CACNA1G: variants seen among roughly 807,000 people sequenced by gnomAD.
The protein encoded by CACNA1G is voltage-dependent T-type calcium channel subunit alpha-1G.
Under a neutral mutation model 219.4 loss-of-function variants are expected in CACNA1G, and 67 were observed. That is an observed-to-expected ratio of 0.31 (90% CI 0.25 to 0.37). The LOEUF (loss-of-function observed/expected upper bound fraction) is 0.37, where lower values mean the gene tolerates loss of function less well. CACNA1G is among the 10% of genes least tolerant of loss of function. CACNA1G has a pLI of 1.00. For synonymous variants in CACNA1G, 1,296 were observed against 1,345.3 expected (o/e 0.96, Z 0.80); for missense variants, 2,380 against 3,231.4 (o/e 0.74, Z 6.39).
In CACNA1G at chr17:50,596,965, C is replaced by A; in HGVS notation, c.3258+42C>A. The A allele has an allele frequency of 6.8e-7, 1 of 1,466,352 alleles. No homozygotes were observed. The highest frequency in any genetic ancestry group is 1.4e-5 in the South Asian group (1 of 72,724). 90.8% of individuals were successfully genotyped at this position (1,466,352 alleles called of 1,614,324 possible). ...GGTACCCTGATGGTGGGAGATATTCCAAGGAGGACAGGAGGAAGAGAGGAT... is the reference window on the plus strand; with the variant it reads ...GGTACCCTGATGGTGGGAGATATTCAAAGGAGGACAGGAGGAAGAGAGGAT... On this transcript the variant is annotated intron_variant, in intron 16 of 37. Coordinates refer to ENST00000359106, the MANE Select transcript of CACNA1G (RefSeq NM_018896.5). This position sits in a 1 kb window ranked among gnomAD's most constrained non-coding sequence, Gnocchi z 4.8.
At chr17:50,608,910 T>C (rs1473724274) in intron 25 of CACNA1G, among the ~76,000 whole-genome samples, 1 of 152,198 alleles carries the variant, frequency 6.6e-6, no homozygotes. Context: ...CGCGCCTCTC[T>C]CTCTCTCTCA....
chr17:50,600,799 C>A lies in CACNA1G; in HGVS notation c.3764C>A (p.Ser1255Ter). Residue 1255 changes from serine to a stop codon, truncating the protein, a stop_gained, in exon 18 of 38, where the codon TCA (serine) becomes TAA (stop). Transcript: ENST00000359106. LOFTEE classifies it high-confidence loss of function. This position sits in a 1 kb window ranked among gnomAD's most constrained non-coding sequence, Gnocchi z 4.1. The stretch of plus-strand genomic sequence containing the variant: ...TGCTGCCTCGAGCGAGACTCCTGGT[C>A]AGCCTACATCTTCCCTCCTCAGTCC... Reference protein sequence around the residue: ...PACCLERDSWSAYIFPPQSRF... With the variant: ...PACCLERDSW The A allele has an allele frequency of 6.2e-7, 1 of 1,613,832 alleles. No individual in the cohort carries two copies. Among genetic ancestry groups the A allele is most frequent in the South Asian group, 1.1e-5 (1 of 91,070 alleles).
At chr17:50,605,793 A>T (rs918874354) in intron 22 of CACNA1G, 105 bp from the exon 23 acceptor site, 1 of 1,256,754 alleles carries the variant, frequency 8.0e-7, no homozygotes, top group Non-Finnish European at 1.1e-6. Flanking sequence ...AGCACCCCAC[A>T]CTCACTCAAA....
rs894433035 is a variant in CACNA1G, at chr17:50,560,787, C to T, written c.-673C>T. ...CGGCCGGAGGAGGAGGCTGTGGCGC[C>T]GGCGACAGCTACGGCAGCGGCAGCC... On this transcript the variant is annotated 5_prime_UTR_variant, in exon 1 of 38. Coordinates refer to ENST00000359106, the MANE Select transcript of CACNA1G (RefSeq NM_018896.5). 1.3e-5 allele frequency among the ~76,000 whole-genome samples: 2 copies of T among 152,162 alleles called. No homozygotes were observed. Among genetic ancestry groups the T allele is most frequent in the Non-Finnish European group, 2.9e-5 (2 of 68,010 alleles).
intron 7 of CACNA1G, 136 bp downstream of exon 7, chr17:50,573,249 T>G (rs1031707782): frequency 4.5e-6 from 3 of 660,792 alleles, no homozygotes; most frequent in Non-Finnish European, 8.2e-6. Context: ...GCATCCATCA[T>G]ATAGTAGGAG....
chr17:50,577,356 A>G lies in CACNA1G; in HGVS notation c.1925-832A>G, dbSNP rs570268213. On this transcript the variant is annotated intron_variant, in intron 8 of 37. Transcript: ENST00000359106. ...CTTCCACATCCATGCTTTACCTGGT[A>G]CTCTCTGAGGTTCTCATATTCTGTG... 9.3e-5 allele frequency among the ~76,000 whole-genome samples: 14 copies of G among 150,992 alleles called. No homozygotes were observed. In the South Asian group the frequency reaches 1.5e-3, roughly 16 times the overall value.
rs198530 is a variant in CACNA1G at position 50,600,964 on chromosome 17, A to T, written c.3792-87A>T. ...GCAGGGTGGCCTCAGCTGGGAGGGC[A>T]CTGGAGGGGCAGGGGCTGCGGGCGG... On this transcript the variant is annotated intron_variant, in intron 18 of 37. Transcript: ENST00000359106. The surrounding 1 kb of genome is among the most constrained non-coding windows in gnomAD (Gnocchi z 4.1). 0.99 allele frequency: 1,578,778 copies of T among 1,589,138 alleles called. 784,247 individuals carry two copies. The highest frequency in any genetic ancestry group is 1 in the East Asian group (44,555 of 44,556).
At chr17:50,572,415 C>G in intron 5 of CACNA1G, 139 bp from the exon 6 acceptor site, 1 of 709,574 alleles carries the variant, frequency 1.4e-6, no homozygotes, top group Non-Finnish European at 2.3e-6. Flanking sequence ...CCCTGCCCTG[C>G]CCAGTCCCTT....
Position 50,618,236 on chromosome 17 carries a change from C to T in CACNA1G, c.5320C>T (p.His1774Tyr). 1 of 1,613,848 alleles carries T rather than the reference C, an allele frequency of 6.2e-7. No homozygotes were observed. Among genetic ancestry groups the T allele is most frequent in the Non-Finnish European group, 8.5e-7 (1 of 1,179,788 alleles). ...LFGDLECDET[H>Y]PCEGLGRHAT... The stretch of plus-strand genomic sequence containing the variant: ...TCCTCCCCCAGAGTGTGACGAGACA[C>T]ACCCCTGTGAGGGCCTGGGCCGTCA... The change falls in exon 32 of 38, where the codon CAC (histidine) becomes TAC (tyrosine). Residue 1774 changes from histidine (H) to tyrosine (Y), a missense_variant. Coordinates refer to ENST00000359106, the MANE Select transcript of CACNA1G (RefSeq NM_018896.5). The surrounding 1 kb of genome is among the most constrained non-coding windows in gnomAD (Gnocchi z 5.3).
intron 1 of CACNA1G, among the ~76,000 whole-genome samples, chr17:50,565,689 G>A (rs998897691): frequency 1.3e-5 from 2 of 152,104 alleles, no homozygotes; most frequent in African/African-American, 4.8e-5. Flanking sequence ...GCCCCTAGAG[G>A]TGTCCCAGCC....
chr17:50,574,488 G>T (rs929927648), intron 7 of CACNA1G, among the ~76,000 whole-genome samples: 1 of 152,186 alleles, frequency 6.6e-6, no homozygotes, highest in Admixed American at 6.5e-5. Flanking sequence ...CTGACTGGAG[G>T]CCTGTTCCCA....
At chr17:50,574,450 A>G (rs198547) in intron 7 of CACNA1G, among the ~76,000 whole-genome samples, 139,907 of 152,284 alleles carry the variant, frequency 0.92, 64,413 homozygotes, top group East Asian at 0.98. Flanking sequence ...CCCCTGGTGC[A>G]GAAGAGTGGG....
chr17:50,570,557 CTGTGTGTGTG>C (rs3062844), intron 4 of CACNA1G, among the ~76,000 whole-genome samples: 2 of 132,612 alleles, frequency 1.5e-5, no homozygotes, highest in South Asian at 2.8e-4. Flanking sequence ...CCCCTGCGCT[CTGTGTGTGTG>C]TGTGTGTGTG....
chr17:50,610,421 C>G (rs1430374437), intron 26 of CACNA1G, among the ~76,000 whole-genome samples: 1 of 152,130 alleles, frequency 6.6e-6, no homozygotes. Flanking sequence ...TGCGTCATCG[C>G]TACAAACAGC....
At position 50,578,143 on chromosome 17, in the gene CACNA1G, A is replaced by T; in HGVS notation, c.1925-45A>T. The T allele has an allele frequency of 6.7e-7, 1 of 1,502,716 alleles. No homozygotes were observed. The highest frequency in any genetic ancestry group is 8.8e-7 in the Non-Finnish European group (1 of 1,130,042). 93.1% of individuals were successfully genotyped at this position (1,502,716 alleles called of 1,614,324 possible). Reference sequence around the variant, plus strand: ...CATACTCACAGGGCAGGGTAGCCCCAGGTACGAGACTCTGGAGCCTCTCAC... The same window carrying T: ...CATACTCACAGGGCAGGGTAGCCCCTGGTACGAGACTCTGGAGCCTCTCAC... On this transcript the variant is annotated intron_variant, in intron 8 of 37. Coordinates refer to ENST00000359106, the MANE Select transcript of CACNA1G (RefSeq NM_018896.5). The surrounding 1 kb of genome is among the most constrained non-coding windows in gnomAD (Gnocchi z 4.5).
intron 3 of CACNA1G, 88 bp downstream of exon 3, chr17:50,569,386 C>T: frequency 1.4e-6 from 2 of 1,410,972 alleles, no homozygotes; most frequent in Non-Finnish European, 2.0e-6. Flanking sequence ...CCTCTCAGCT[C>T]CAGCCCAGTT....
chr17:50,578,170 T>A lies in CACNA1G; in HGVS notation c.1925-18T>A, dbSNP rs758631724. 6.5e-7 allele frequency: 1 copy of A among 1,536,308 alleles called. No individual in the cohort carries two copies. Among genetic ancestry groups the A allele is most frequent in the South Asian group, 1.3e-5 (1 of 79,372 alleles). On this transcript the variant is annotated intron_variant, in intron 8 of 37. Coordinates refer to ENST00000359106, the MANE Select transcript of CACNA1G (RefSeq NM_018896.5). This position sits in a 1 kb window ranked among gnomAD's most constrained non-coding sequence, Gnocchi z 4.5. Reference sequence around the variant, plus strand: ...GTACGAGACTCTGGAGCCTCTCACCTCTACTCTCCTGTTCCAGGTGCCTGC... The same window carrying A: ...GTACGAGACTCTGGAGCCTCTCACCACTACTCTCCTGTTCCAGGTGCCTGC...
chr17:50,626,100 G>C lies in CACNA1G; in HGVS notation c.6483G>C (p.Pro2161=), dbSNP rs201580306. The part of the protein sequence containing the change: ...DLLAEVSGPS[P]PLARAYSFWG... ...TGGCAGAGGTGAGTGGGCCCTCCCCGCCCCTGGCCCGGGCCTACTCTTTCT... is the reference window on the plus strand; with the variant it reads ...TGGCAGAGGTGAGTGGGCCCTCCCCCCCCCTGGCCCGGGCCTACTCTTTCT... The change falls in exon 38 of 38, where the codon CCG becomes CCC. Residue 2161 remains proline, a synonymous_variant. Transcript: ENST00000359106. This position sits in a 1 kb window ranked among gnomAD's most constrained non-coding sequence, Gnocchi z 4.3. 8 of 1,613,298 alleles carry C rather than the reference G, an allele frequency of 5.0e-6. No homozygotes were observed. In the Admixed American group the frequency reaches 5.0e-5, roughly 10 times the overall value.
At chr17:50,598,945 T>C (rs2079231) in intron 16 of CACNA1G, among the ~76,000 whole-genome samples, 99,714 of 151,776 alleles carry the variant, frequency 0.66, 33,634 homozygotes, top group East Asian at 0.9. Flanking sequence ...CCAGGCTGGT[T>C]TCGAGCTCCT....
Sources: gnomAD v4.1 joint callset for allele counts (sites outside exome capture counted in the v4.1 genomes callset) on GRCh38, gnomAD v4.1.1 for gene constraint, Gnocchi (gnomAD v3.1) non-coding constraint, MANE v1.5 for transcripts, NCBI Gene and HGNC (gene_info 2026-07-23, HGNC 2026-07-21) for gene names.